ARSG: variants seen among roughly 807,000 people sequenced by gnomAD.
ARSG encodes arylsulfatase G.
In ARSG, 37 loss-of-function variants were observed where a neutral mutation model predicts 50.5. The observed-to-expected ratio is 0.73, with a 90% CI of 0.56 to 0.96. The LOEUF is 0.96. ARSG is among the 50% of genes least tolerant of loss of function. ARSG has a pLI of 0.00. For synonymous variants in ARSG, 225 were observed against 254.6 expected, an observed-to-expected ratio of 0.88 and a Z score of 1.11; for missense variants, 629 against 675.3, an observed-to-expected ratio of 0.93 and a Z score of 0.76.
chr17:68,420,838 T>C, downstream of ARSG: 1 of 211,274 alleles, frequency 4.7e-6, no homozygotes, highest in Non-Finnish European at 9.5e-6. Flanking sequence ...AGACATTCAA[T>C]ACATTTTAGT....
intron 1 of ARSG, among the ~76,000 whole-genome samples, chr17:68,294,709 A>G (rs2145320955): frequency 6.6e-6 from 1 of 152,170 alleles, no homozygotes; most frequent in East Asian, 1.9e-4. Context: ...CACTGAAGCA[A>G]TTTCTTGCTT....
At chr17:68,278,276 A>G (rs781851265) in intron 1 of ARSG, 18 of 1,614,220 alleles carry the variant, frequency 1.1e-5, no homozygotes, top group Non-Finnish European at 1.5e-5. Flanking sequence ...GCACTTCAGT[A>G]TACACATTGG....
intron 1 of ARSG, among the ~76,000 whole-genome samples, chr17:68,261,279 C>T (rs1276165718): frequency 1.3e-5 from 2 of 152,170 alleles, no homozygotes; most frequent in Admixed American, 6.5e-5. Context: ...GGTGCCAGGC[C>T]CTGCTCAAAG....
At chr17:68,302,205 C>T (rs1343650592) in intron 1 of ARSG, among the ~76,000 whole-genome samples, 1 of 152,180 alleles carries the variant, frequency 6.6e-6, no homozygotes, top group African/African-American at 2.4e-5. Context: ...CTGACAGCCC[C>T]TGATGGCTCG....
intron 2 of ARSG, among the ~76,000 whole-genome samples, chr17:68,336,369 C>T (rs989547046): frequency 1.4e-4 from 22 of 152,080 alleles, no homozygotes; most frequent in Admixed American, 1.0e-3. Flanking sequence ...GCCACCACAC[C>T]TGGCTCATTT....
At chr17:68,327,725 G>T (rs1555772960) in intron 2 of ARSG, among the ~76,000 whole-genome samples, 4 of 152,114 alleles carry the variant, frequency 2.6e-5, no homozygotes, top group African/African-American at 7.2e-5. Flanking sequence ...CATATCTTTT[G>T]GGGGGACGCA....
intron 7 of ARSG, 124 bp downstream of exon 7, chr17:68,368,868 G>A (rs988751099): frequency 8.9e-7 from 1 of 1,119,922 alleles, no homozygotes; most frequent in African/African-American, 1.6e-5. Flanking sequence ...CTTTGAACTT[G>A]TGGCCCAGAT....
intron 6 of ARSG, among the ~76,000 whole-genome samples, chr17:68,358,024 G>A (rs2079111492): frequency 1.3e-5 from 2 of 151,598 alleles, no homozygotes; most frequent in South Asian, 2.1e-4. Context: ...GCAACATGGT[G>A]AAACTCTGTC....
intron 2 of ARSG, among the ~76,000 whole-genome samples, chr17:68,311,207 T>C (rs1480602802): frequency 2.6e-5 from 4 of 152,190 alleles, no homozygotes; most frequent in Non-Finnish European, 5.9e-5. Flanking sequence ...TTCTCCACTC[T>C]TCTCTCTTGC....
chr17:68,303,610 G>A (rs376134832), intron 1 of ARSG, among the ~76,000 whole-genome samples: 1 of 152,128 alleles, frequency 6.6e-6, no homozygotes, highest in African/African-American at 2.4e-5. Context: ...CACTATGCCT[G>A]GCTAATTTTT....
chr17:68,292,706 C>G (rs1555756713), intron 1 of ARSG, among the ~76,000 whole-genome samples: 1 of 152,086 alleles, frequency 6.6e-6, no homozygotes, highest in African/African-American at 2.4e-5. Context: ...CTTCCTTGCT[C>G]GCTGAGTTCT....
the ARSG span, among the ~76,000 whole-genome samples, chr17:68,444,225 G>A: frequency 2.6e-5 from 4 of 152,110 alleles, no homozygotes; most frequent in Non-Finnish European, 5.9e-5. Flanking sequence ...TCTACCTTAC[G>A]TGCCTTGACA....
chr17:68,334,790 T>C (rs1331411425), intron 2 of ARSG, among the ~76,000 whole-genome samples: 4 of 152,114 alleles, frequency 2.6e-5, no homozygotes, highest in African/African-American at 9.7e-5. Flanking sequence ...CAGCTTCTTA[T>C]ATGGCGGCTC....
At chr17:68,389,646 C>T (rs2080899678) in intron 9 of ARSG, among the ~76,000 whole-genome samples, 1 of 152,268 alleles carries the variant, frequency 6.6e-6, no homozygotes. Flanking sequence ...CTCTTCTTGC[C>T]TTCATTCGGG....
At chr17:68,403,855 C>T (rs1490230239) in intron 11 of ARSG, among the ~76,000 whole-genome samples, 1 of 152,086 alleles carries the variant, frequency 6.6e-6, no homozygotes, top group Non-Finnish European at 1.5e-5. Context: ...CTTTCCCTCC[C>T]CCCTCACCCC....
At chr17:68,398,337 G>A (rs1048505783) in intron 10 of ARSG, among the ~76,000 whole-genome samples, 18 of 151,864 alleles carry the variant, frequency 1.2e-4, no homozygotes, top group African/African-American at 4.4e-4. Context: ...ATATGTCCAG[G>A]CACATAAATA....
intron 2 of ARSG, among the ~76,000 whole-genome samples, chr17:68,324,096 A>G (rs1446052739): frequency 1.4e-5 from 2 of 142,838 alleles, no homozygotes; most frequent in South Asian, 2.2e-4. Context: ...AAAAAAGTTA[A>G]TCTACAGTAG....
intron 8 of ARSG, among the ~76,000 whole-genome samples, chr17:68,384,034 G>A (rs2080575462): frequency 6.6e-6 from 1 of 152,218 alleles, no homozygotes; most frequent in Non-Finnish European, 1.5e-5. Flanking sequence ...AACAGTGCTA[G>A]TACAGGGCGA....
intron 2 of ARSG, among the ~76,000 whole-genome samples, chr17:68,320,775 G>T (rs2077252328): frequency 6.6e-6 from 1 of 152,194 alleles, no homozygotes; most frequent in South Asian, 2.1e-4. Context: ...GGCTGGAAGG[G>T]CGGGGGTCAC....
Sources: gnomAD v4.1 joint callset for allele counts (sites outside exome capture counted in the v4.1 genomes callset) on GRCh38, gnomAD v4.1.1 for gene constraint, MANE v1.5 for transcripts, NCBI Gene and HGNC (gene_info 2026-07-23, HGNC 2026-07-21) for gene names.